Variants in EPS15 observed in about 807,000 individuals in gnomAD.
EPS15 encodes the protein epidermal growth factor receptor pathway substrate 15.
Under a neutral mutation model 113.8 loss-of-function variants are expected in EPS15, and 72 were observed. That is an observed-to-expected ratio of 0.63 (90% confidence interval 0.52 to 0.77). The LOEUF (loss-of-function observed/expected upper bound fraction) is 0.77, where lower values mean the gene tolerates loss of function less well. EPS15 is among the 30% of genes least tolerant of loss of function. The probability of loss-of-function intolerance (pLI) is 0.00; values close to 1 mark genes in which losing one functional copy is unlikely to be tolerated. For synonymous variants in EPS15, 344 were observed against 363.4 expected, an observed-to-expected ratio of 0.95 and a Z score of 0.61; for missense variants, 1,048 against 1,045.8, an observed-to-expected ratio of 1.00 and a Z score of -0.03.
At chr1:51,386,209 A>T (rs1232143709) in intron 21 of EPS15, among the ~76,000 whole-genome samples, 1 of 152,208 alleles carries the variant, frequency 6.6e-6, no homozygotes, top group African/African-American at 2.4e-5. Flanking sequence ...TATCAGTGAA[A>T]ACAAAGATCT....
At chr1:51,440,842 C>T (rs1044997265) in intron 11 of EPS15, among the ~76,000 whole-genome samples, 3 of 152,008 alleles carry the variant, frequency 2.0e-5, no homozygotes, top group Non-Finnish European at 4.4e-5. Flanking sequence ...TGAGAGTAAA[C>T]ACACAAATTT....
intron 1 of EPS15, among the ~76,000 whole-genome samples, chr1:51,492,849 T>C (rs1236296064): frequency 3.3e-5 from 5 of 152,248 alleles, no homozygotes; most frequent in Non-Finnish European, 7.3e-5. Flanking sequence ...GACCTGCCTA[T>C]CTCAGGTTTT....
chr1:51,418,673 T>C (rs760192634), intron 13 of EPS15, among the ~76,000 whole-genome samples: 4 of 151,974 alleles, frequency 2.6e-5, no homozygotes, highest in Non-Finnish European at 4.4e-5. Context: ...AATAAAGAGA[T>C]GATTGTAGGG....
chr1:51,357,416 ATATATATATATT>A (rs1411781170), intron 24 of EPS15, among the ~76,000 whole-genome samples: 1,628 of 64,454 alleles, frequency 0.025, 18 homozygotes, highest in Non-Finnish European at 0.036. Context: ...ATATATATAT[ATATATATATATT>A]TTTTTTTTTT....
In EPS15 at chr1:51,444,893, T is replaced by C. The variant is rs1209447161; in HGVS notation, c.950A>G (p.Gln317Arg). Reference sequence around the variant, plus strand: ...TTTCCTTTTAAGCTTTCTTACCTTTTGTAAACTGGCCCTGTCTGATGGTGG... The same window carrying C: ...TTTCCTTTTAAGCTTTCTTACCTTTCGTAAACTGGCCCTGTCTGATGGTGG... ...MIPPSDRASL[Q>R]KNIIGSSPVA... Residue 317 changes from glutamine (Q) to arginine (R), a missense_variant, in exon 11 of 25, where the codon CAA becomes CGA. By Grantham distance (43) the Gln-to-Arg change is conservative. Transcript: ENST00000371733. 1.9e-6 allele frequency: 3 copies of C among 1,612,818 alleles called. No homozygotes were observed. In the Admixed American group the frequency reaches 5.0e-5, roughly 27 times the overall value.
At chr1:51,494,344 T>C (rs1644291855) in intron 1 of EPS15, among the ~76,000 whole-genome samples, 1 of 152,124 alleles carries the variant, frequency 6.6e-6, no homozygotes, top group African/African-American at 2.4e-5. Flanking sequence ...ATGGGCCCAA[T>C]AGACTTTGAT....
intron 8 of EPS15, among the ~76,000 whole-genome samples, chr1:51,449,758 T>A (rs973207978): frequency 4.0e-5 from 6 of 149,612 alleles, no homozygotes; most frequent in African/African-American, 1.5e-4. Flanking sequence ...GGGGAAGGGG[T>A]GGGGGTGGCT....
At chr1:51,372,990 C>A in intron 21 of EPS15, 1 of 352,202 alleles carries the variant, frequency 2.8e-6, no homozygotes, top group South Asian at 3.2e-5. Context: ...AGCAGTCTGT[C>A]AAGGCCTTGT....
At chr1:51,473,636 T>A (rs1655400864) in intron 2 of EPS15, among the ~76,000 whole-genome samples, 1 of 152,100 alleles carries the variant, frequency 6.6e-6, no homozygotes, top group Non-Finnish European at 1.5e-5. Flanking sequence ...AAAGACTCAT[T>A]TTTGTAAAGA....
At chr1:51,359,631 G>A (rs897354166) in intron 24 of EPS15, among the ~76,000 whole-genome samples, 1 of 151,220 alleles carries the variant, frequency 6.6e-6, no homozygotes, top group Non-Finnish European at 1.5e-5. Context: ...TGGTGGGTAT[G>A]CCTGCAATCC....
chr1:51,476,760 T>C (rs184795165), intron 2 of EPS15, among the ~76,000 whole-genome samples: 110 of 152,350 alleles, frequency 7.2e-4, no homozygotes, highest in Non-Finnish European at 1.2e-3. Flanking sequence ...ATTATGTTTA[T>C]TGATTGCATA....
rs751106772 is a variant in EPS15, at chr1:51,465,323, C to T, written c.313G>A (p.Asp105Asn). The T allele has an allele frequency of 1.3e-5, 21 of 1,605,958 alleles. No individual in the cohort carries two copies. The highest frequency in any genetic ancestry group is 2.2e-5 in the East Asian group (1 of 44,706). The change falls in exon 6 of 25, where the codon GAT becomes AAT. Residue 105 changes from aspartate to asparagine, a missense_variant. Physicochemically the swap from Asp to Asn is conservative, Grantham distance 23. Transcript: ENST00000371733. ...CTGATTAGCAAAGGACTACTGGTAT[C>T]ATGCTATAGAAGAAAGTAAAGCACA... ...NLAVPPPRFH[D>N]TSSPLLISGT...
intron 16 of EPS15, among the ~76,000 whole-genome samples, chr1:51,404,862 T>C (rs1648947566): frequency 6.6e-6 from 1 of 152,178 alleles, no homozygotes; most frequent in African/African-American, 2.4e-5. Flanking sequence ...GATACACATT[T>C]ATACTTTGAC....
intron 21 of EPS15, among the ~76,000 whole-genome samples, chr1:51,381,975 G>C (rs1646951490): frequency 6.6e-6 from 1 of 152,036 alleles, no homozygotes; most frequent in African/African-American, 2.4e-5. Context: ...AGACAACACA[G>C]AGAATAGAAA....
At chr1:51,382,918 C>T (rs1471001808) in intron 21 of EPS15, among the ~76,000 whole-genome samples, 3 of 152,106 alleles carry the variant, frequency 2.0e-5, no homozygotes, top group Non-Finnish European at 2.9e-5. Context: ...CTATCAAAGC[C>T]AGATGAAGAC....
chr1:51,400,712 CAAAAAA>C (rs375748381), intron 19 of EPS15, among the ~76,000 whole-genome samples, 200 bp downstream of exon 19: 4,159 of 60,260 alleles, frequency 0.069, 114 homozygotes, highest in Middle Eastern at 0.24. Flanking sequence ...CAAAAAACAC[CAAAAAA>C]AAAAAAAAAA....
At chr1:51,358,148 A>C (rs1414780392) in intron 24 of EPS15, among the ~76,000 whole-genome samples, 2 of 152,104 alleles carry the variant, frequency 1.3e-5, no homozygotes, top group African/African-American at 4.8e-5. Flanking sequence ...TGTTTTTACA[A>C]AAAAAATTAG....
chr1:51,402,344 G>A lies in EPS15; in HGVS notation c.1882+91C>T, dbSNP rs934141870. 8 of 616,658 alleles carry A rather than the reference G, an allele frequency of 1.3e-5. No individual in the cohort carries two copies. The Admixed American group carries it at 1.8e-4, about 14-fold the overall frequency. The allele number at this position is 616,658 out of a possible 1,614,324, so 38.2% of individuals were successfully genotyped here. Reference sequence around the variant, plus strand: ...CCTGGGCGACAGACTGAGTTGGTAGGCTATTGAAACTGAAGCCTTGAATCC... The same window carrying A: ...CCTGGGCGACAGACTGAGTTGGTAGACTATTGAAACTGAAGCCTTGAATCC... On this transcript the variant is annotated intron_variant, in intron 18 of 24. Coordinates refer to ENST00000371733, the MANE Select transcript of EPS15 (RefSeq NM_001981.3).
chr1:51,358,056 T>C (rs1237040633), intron 24 of EPS15, among the ~76,000 whole-genome samples: 2 of 152,180 alleles, frequency 1.3e-5, no homozygotes, highest in East Asian at 3.9e-4. Flanking sequence ...GGCTGACATC[T>C]GTAATCCTAG....
Sources: allele counts gnomAD v4.1 joint callset (sites outside exome capture counted in the v4.1 genomes callset), GRCh38; gene constraint gnomAD v4.1.1; transcripts MANE v1.5; gene names NCBI Gene and HGNC (gene_info 2026-07-23, HGNC 2026-07-21).